UNC13C: variants seen among roughly 807,000 people sequenced by gnomAD.
UNC13C encodes unc-13 homolog C.
UNC13C carries 174 observed loss-of-function variants against 245.4 expected under a neutral mutation model. The ratio of observed to expected loss-of-function variants is 0.71; its 90% CI spans 0.63 to 0.80. UNC13C has a LOEUF of 0.80. Among genes scored for constraint, UNC13C ranks in the 30% least tolerant of loss-of-function variants. UNC13C has a pLI of 0.00. For missense variants in UNC13C, 2,829 were observed against 2,602.9 expected, an observed-to-expected ratio of 1.09 and a Z score of -1.89; for synonymous variants, 992 against 895.1, an observed-to-expected ratio of 1.11 and a Z score of -1.93.
chr15:54,629,488 C>T (rs1901397685), downstream of UNC13C: 1 of 152,056 alleles, frequency 6.6e-6, no homozygotes, highest in Non-Finnish European at 1.5e-5. Context: ...GTGGTGTGTT[C>T]ATGGAAACCA....
intron 2 of UNC13C, among the ~76,000 whole-genome samples, chr15:54,060,906 G>A (rs1446457829): frequency 6.6e-6 from 1 of 151,864 alleles, no homozygotes; most frequent in African/African-American, 2.4e-5. Flanking sequence ...TCATAGGTGG[G>A]AATTGATCAA....
intron 17 of UNC13C, among the ~76,000 whole-genome samples, chr15:54,348,923 G>A (rs961166820): frequency 8.6e-5 from 13 of 151,820 alleles, no homozygotes; most frequent in African/African-American, 3.1e-4. Context: ...TTCCAGCAAT[G>A]TACTTTCTTA....
Position 54,448,585 on chromosome 15 carries a change from T to C in UNC13C, c.4933+33518T>C, listed in dbSNP as rs1890968660. 2.0e-5 allele frequency among the ~76,000 whole-genome samples: 3 copies of C among 152,202 alleles called. No homozygotes were observed. In the East Asian group the frequency reaches 5.8e-4, roughly 29 times the overall value. On this transcript the variant is annotated intron_variant, in intron 19 of 32. Transcript: ENST00000260323. ...GTTTAAAGTCTGTTTTATCAGAGAC[T>C]AGGATTGCAACCCCTGCCTTTTTTT...
intron 4 of UNC13C, among the ~76,000 whole-genome samples, chr15:54,157,320 C>A (rs1414212791): frequency 6.6e-6 from 1 of 152,172 alleles, no homozygotes; most frequent in Non-Finnish European, 1.5e-5. Flanking sequence ...TTAGTCTGGG[C>A]AAGTCATTTA....
chr15:53,916,401 C>T, the UNC13C span, among the ~76,000 whole-genome samples: 1 of 152,146 alleles, frequency 6.6e-6, no homozygotes. Flanking sequence ...TATCTTTACT[C>T]TTAATGAAGC....
chr15:54,140,004 T>G (rs1004304844), intron 2 of UNC13C, among the ~76,000 whole-genome samples: 32 of 152,216 alleles, frequency 2.1e-4, no homozygotes, highest in African/African-American at 7.2e-4. Context: ...AGTATAAGGG[T>G]TTCTTAATTA....
At chr15:54,048,992 T>C in intron 2 of UNC13C, 1 of 374,486 alleles carries the variant, frequency 2.7e-6, no homozygotes, top group Non-Finnish European at 5.2e-6. Context: ...TATGCACCAT[T>C]GTTCCAAGTT....
At chr15:54,178,747 T>C (rs572117565) in intron 4 of UNC13C, among the ~76,000 whole-genome samples, 13 of 152,172 alleles carry the variant, frequency 8.5e-5, no homozygotes, top group Non-Finnish European at 1.2e-4. Context: ...GAGCCCAGAA[T>C]TCTGTTTGCC....
intron 18 of UNC13C, among the ~76,000 whole-genome samples, chr15:54,411,011 G>C (rs1207595253): frequency 6.6e-6 from 1 of 152,028 alleles, no homozygotes; most frequent in Non-Finnish European, 1.5e-5. Context: ...GTATTGGTGG[G>C]CTTCTGCCTT....
At chr15:53,877,391 A>T in the UNC13C span, among the ~76,000 whole-genome samples, 4 of 152,180 alleles carry the variant, frequency 2.6e-5, no homozygotes, top group African/African-American at 9.6e-5. Flanking sequence ...CAGGGAAGAC[A>T]GACCCTAGTT....
intron 8 of UNC13C, among the ~76,000 whole-genome samples, chr15:54,252,470 T>C (rs1264303085): frequency 6.6e-6 from 1 of 151,446 alleles, no homozygotes; most frequent in Non-Finnish European, 1.5e-5. Flanking sequence ...CCAGGGAGGG[T>C]TTTTATAAAT....
At chr15:54,157,858 C>T (rs1026674506) in intron 4 of UNC13C, among the ~76,000 whole-genome samples, 2 of 152,052 alleles carry the variant, frequency 1.3e-5, no homozygotes, top group African/African-American at 4.8e-5. Context: ...GAAAGGATTC[C>T]CTATTTAATA....
At chr15:54,524,512 C>G (rs1386586721) in intron 24 of UNC13C, among the ~76,000 whole-genome samples, 1 of 152,178 alleles carries the variant, frequency 6.6e-6, no homozygotes, top group Non-Finnish European at 1.5e-5. Context: ...TTTTTAGTCA[C>G]ATCAGGACAA....
the UNC13C span, among the ~76,000 whole-genome samples, chr15:53,899,583 T>A: frequency 2.8e-4 from 43 of 151,536 alleles, no homozygotes; most frequent in South Asian, 1.7e-3. Context: ...GAAAAACCAG[T>A]CTCTCTACTT....
chr15:53,863,056 A>G, the UNC13C span, among the ~76,000 whole-genome samples: 1 of 152,174 alleles, frequency 6.6e-6, no homozygotes, highest in South Asian at 2.1e-4. Flanking sequence ...CTGAGGTAAA[A>G]TTTCTCTCCA....
At chr15:54,437,435 T>C (rs530729224) in intron 19 of UNC13C, among the ~76,000 whole-genome samples, 1 of 152,082 alleles carries the variant, frequency 6.6e-6, no homozygotes, top group South Asian at 2.1e-4. Flanking sequence ...TTCTTGGTAA[T>C]ATAATCTGAG....
At chr15:54,431,081 A>T (rs1352243234) in intron 19 of UNC13C, among the ~76,000 whole-genome samples, 2 of 151,790 alleles carry the variant, frequency 1.3e-5, no homozygotes, top group African/African-American at 4.8e-5. Flanking sequence ...CTCAATCAAG[A>T]ATATTCAGAA....
chr15:54,430,061 A>G (rs2040841590), intron 19 of UNC13C, among the ~76,000 whole-genome samples: 1 of 151,730 alleles, frequency 6.6e-6, no homozygotes, highest in Non-Finnish European at 1.5e-5. Context: ...TATTTTTTAC[A>G]GTATTCTATA....
chr15:54,369,576 A>C (rs1484035217), intron 17 of UNC13C, among the ~76,000 whole-genome samples: 1 of 152,168 alleles, frequency 6.6e-6, no homozygotes, highest in Non-Finnish European at 1.5e-5. Flanking sequence ...ATCTGCTATA[A>C]AATTAAAGAT....
Sources: allele counts gnomAD v4.1 joint callset (sites outside exome capture counted in the v4.1 genomes callset), GRCh38; gene constraint gnomAD v4.1.1; transcripts MANE v1.5; gene names NCBI Gene and HGNC (gene_info 2026-07-23, HGNC 2026-07-21).